The following TTC7A variants were observed in gnomAD, a reference collection of about 807,000 sequenced individuals.
TTC7A encodes the protein tetratricopeptide repeat domain 7A.
TTC7A carries 110 observed loss-of-function variants against 103.7 expected under a neutral mutation model. That is an observed-to-expected ratio of 1.06 (90% CI 0.91 to 1.24). TTC7A has a LOEUF of 1.24. Among genes scored for constraint, TTC7A ranks in the 50% most tolerant of loss-of-function variants. The pLI is 0.00. For synonymous variants in TTC7A, 521 were observed against 467.9 expected (o/e 1.11, Z -1.47); for missense variants, 1,340 against 1,116.3 (o/e 1.20, Z -2.86).
chr2:46,985,146 C>T (rs1451393351), intron 5 of TTC7A, among the ~76,000 whole-genome samples: 3 of 152,138 alleles, frequency 2.0e-5, no homozygotes, highest in African/African-American at 7.2e-5. Flanking sequence ...CCCAGAAAGC[C>T]CAAGTGCTTT....
intron 3 of TTC7A, among the ~76,000 whole-genome samples, chr2:46,965,669 C>T (rs1462127162): frequency 1.3e-5 from 2 of 149,432 alleles, no homozygotes; most frequent in East Asian, 4.0e-4. Context: ...TCAAATGATT[C>T]TCCTGTCTCA....
At chr2:46,933,662 G>T (rs1218781691) in intron 2 of TTC7A, among the ~76,000 whole-genome samples, 1 of 152,236 alleles carries the variant, frequency 6.6e-6, no homozygotes, top group Non-Finnish European at 1.5e-5. Context: ...ATTTCCGAAT[G>T]TAGCGATCCT....
chr2:46,961,123 G>A (rs1437493486), intron 3 of TTC7A, among the ~76,000 whole-genome samples: 3 of 152,116 alleles, frequency 2.0e-5, no homozygotes, highest in South Asian at 4.1e-4. Context: ...GCCAGCCTAC[G>A]GACCCCTGAC....
chr2:47,066,903 T>A (rs1684225969), intron 19 of TTC7A, among the ~76,000 whole-genome samples: 1 of 152,162 alleles, frequency 6.6e-6, no homozygotes, highest in Admixed American at 6.5e-5. Context: ...AGCAGAAACT[T>A]TTTATTTGGC....
Position 47,002,328 on chromosome 2 carries a change from G to C in TTC7A, c.1066-3594G>C, listed in dbSNP as rs1449445684. Among the ~76,000 whole-genome samples the C allele has an allele frequency of 2.6e-5, 4 of 152,244 alleles. No homozygotes were observed. In the East Asian group the frequency reaches 7.7e-4, roughly 29 times the overall value. ...CACTAGGCAGGGAGAAACCAGAGGA[G>C]AACATTCTGCCATTATTCTAAGAAC... On this transcript the variant is annotated intron_variant, in intron 8 of 19. Coordinates refer to ENST00000319190, the MANE Select transcript of TTC7A (RefSeq NM_020458.4).
chr2:47,064,355 C>T (rs1012948435), intron 19 of TTC7A, among the ~76,000 whole-genome samples: 1 of 152,240 alleles, frequency 6.6e-6, no homozygotes. Context: ...AGACTTCTCT[C>T]CAGTAGCTGG....
intron 3 of TTC7A, among the ~76,000 whole-genome samples, chr2:46,973,850 T>G (rs1481769064): frequency 6.6e-6 from 1 of 152,146 alleles, no homozygotes. Flanking sequence ...GTCACTTTCT[T>G]TATACCAGTG....
chr2:46,925,031 C>G (rs935683730), intron 2 of TTC7A, among the ~76,000 whole-genome samples: 1 of 152,174 alleles, frequency 6.6e-6, no homozygotes, highest in African/African-American at 2.4e-5. Flanking sequence ...ACAAATTGGC[C>G]TTTAGGGATA....
At chr2:46,957,054 G>A (rs754958190) in intron 3 of TTC7A, 47 bp downstream of exon 3, 218 of 1,610,250 alleles carry the variant, frequency 1.4e-4, no homozygotes, top group Non-Finnish European at 1.7e-4. Flanking sequence ...TGTGCAGCTC[G>A]TTGCACTCTG....
chr2:46,997,788 C>A (rs17481321), intron 8 of TTC7A, among the ~76,000 whole-genome samples: 14,841 of 152,106 alleles, frequency 0.098, 832 homozygotes, highest in Admixed American at 0.14. Context: ...TAATTTTTCT[C>A]CTGGTAGGAG....
chr2:47,012,564 A>G (rs2104493233), intron 11 of TTC7A, among the ~76,000 whole-genome samples: 1 of 152,322 alleles, frequency 6.6e-6, no homozygotes, highest in South Asian at 2.1e-4. Flanking sequence ...CTTCATAATT[A>G]GCAGCCTTTA....
At chr2:46,984,929 G>T (rs1285306651) in intron 5 of TTC7A, among the ~76,000 whole-genome samples, 1 of 152,178 alleles carries the variant, frequency 6.6e-6, no homozygotes, top group East Asian at 1.9e-4. Context: ...ACAGCGGGGA[G>T]CATAGAGCTG....
At chr2:47,033,444 T>C (rs1030955723) in intron 15 of TTC7A, among the ~76,000 whole-genome samples, 1 of 152,214 alleles carries the variant, frequency 6.6e-6, no homozygotes, top group African/African-American at 2.4e-5. Flanking sequence ...AGAAGCTGGC[T>C]GGTGCTGGGC....
chr2:47,045,611 C>G (rs571177144), intron 15 of TTC7A: 1 of 152,260 alleles, frequency 6.6e-6, no homozygotes, highest in Non-Finnish European at 1.5e-5. Context: ...AAGGATTTCA[C>G]GTCACTTTAA....
intron 11 of TTC7A, among the ~76,000 whole-genome samples, chr2:47,014,454 G>A (rs1047513655): frequency 4.6e-5 from 7 of 152,142 alleles, no homozygotes; most frequent in East Asian, 3.9e-4. Flanking sequence ...CACAAATTTC[G>A]TGTTTGAGCC....
chr2:46,957,109 G>C lies in TTC7A; in HGVS notation c.517+102G>C, dbSNP rs138048872. On this transcript the variant is annotated intron_variant, in intron 3 of 19. Coordinates refer to ENST00000319190, the MANE Select transcript of TTC7A (RefSeq NM_020458.4). The stretch of plus-strand genomic sequence containing the variant: ...GCTCGTGTCCAGATTCTTCACCCCT[G>C]GTAGTGCCCATGCCCTGGCACTGGT... 6.0e-4 allele frequency: 877 copies of C among 1,460,326 alleles called. 3 individuals are homozygous for C. Among genetic ancestry groups the C allele is most frequent in the Middle Eastern group, 3.6e-3 (17 of 4,702 alleles). 90.5% of individuals were successfully genotyped at this position (1,460,326 alleles called of 1,614,324 possible).
chr2:47,042,675 A>AGTGTGTGTGTGTGTGT (rs10587096), intron 15 of TTC7A, among the ~76,000 whole-genome samples: 4 of 148,488 alleles, frequency 2.7e-5, no homozygotes, highest in African/African-American at 1.0e-4. Flanking sequence ...CTGAGCCCCA[A>AGTGTGTGTGTGTGTGT]GTGTGTGTGT....
intron 3 of TTC7A, among the ~76,000 whole-genome samples, chr2:46,970,471 T>C (rs1455363467): frequency 6.6e-6 from 1 of 152,238 alleles, no homozygotes; most frequent in Admixed American, 6.5e-5. Flanking sequence ...CAGCTTGAAC[T>C]AGCCAGTAGC....
At chr2:46,921,581 A>G (rs1337242526) in intron 2 of TTC7A, among the ~76,000 whole-genome samples, 1 of 152,214 alleles carries the variant, frequency 6.6e-6, no homozygotes, top group Non-Finnish European at 1.5e-5. Context: ...TCTTCATGCA[A>G]ATGATATGCT....
Sources: allele counts gnomAD v4.1 joint callset (sites outside exome capture counted in the v4.1 genomes callset), GRCh38; gene constraint gnomAD v4.1.1; transcripts MANE v1.5; gene names NCBI Gene and HGNC (gene_info 2026-07-23, HGNC 2026-07-21).